CCL26: variants seen among roughly 807,000 people sequenced by gnomAD.
The protein encoded by CCL26 is C-C motif chemokine 26.
In CCL26, 10 loss-of-function variants were observed where a neutral mutation model predicts 10.7. That is an observed-to-expected ratio of 0.93 (90% confidence interval 0.57 to 1.58). The LOEUF is 1.58. CCL26 is among the 40% of genes most tolerant of loss of function. The pLI, the probability that CCL26 is intolerant of heterozygous loss-of-function variation, is 0.00. For missense variants in CCL26, 116 were observed against 111.0 expected, an observed-to-expected ratio of 1.05 and a Z score of -0.20; for synonymous variants, 43 against 41.4, an observed-to-expected ratio of 1.04 and a Z score of -0.15.
chr7:75,787,117 G>A (rs565523388), intron 1 of CCL26, among the ~76,000 whole-genome samples: 1 of 152,110 alleles, frequency 6.6e-6, no homozygotes, highest in Non-Finnish European at 1.5e-5. Context: ...CACTGGATGG[G>A]TAGAGGCCTT....
chr7:75,783,552 C>A lies in CCL26; in HGVS notation c.-79+6165G>T, dbSNP rs145771328. Among the ~76,000 whole-genome samples, 1,121 of 152,252 alleles carry A rather than the reference C, an allele frequency of 7.4e-3. 13 individuals are homozygous for A. Among genetic ancestry groups the A allele is most frequent in the African/African-American group, 0.025 (1,051 of 41,534 alleles). On this transcript the variant is annotated intron_variant, in intron 1 of 3. Coordinates refer to the CCL26 transcript ENST00000394905. ...CGGTGGCTCACGCTTGTAATCCCAGCACTTTGGGAGGCCGAGGTGGGCGGA... is the reference window on the plus strand; with the variant it reads ...CGGTGGCTCACGCTTGTAATCCCAGAACTTTGGGAGGCCGAGGTGGGCGGA...
At chr7:75,787,698 CT>C (rs56104507) in intron 1 of CCL26, among the ~76,000 whole-genome samples, 64,090 of 122,806 alleles carry the variant, frequency 0.52, 16,494 homozygotes, top group African/African-American at 0.63. Context: ...AGCTCAGCCT[CT>C]CAACTTAAAA....
At chr7:75,791,588 T>G (rs898818634), upstream of CCL26, among the ~76,000 whole-genome samples, 1 of 151,770 alleles carries the variant, frequency 6.6e-6, no homozygotes, top group Non-Finnish European at 1.5e-5. Context: ...CCTCTCAAAG[T>G]GCTGGGATTA....
upstream of CCL26, among the ~76,000 whole-genome samples, chr7:75,775,217 T>C (rs1802912409): frequency 6.6e-6 from 1 of 152,036 alleles, no homozygotes; most frequent in Non-Finnish European, 1.5e-5. Context: ...AGACTCCATT[T>C]CAGAAGGAAA....
At chr7:75,770,065 CTTAA>C (rs1170336335) in intron 2 of CCL26, among the ~76,000 whole-genome samples, 1 of 129,154 alleles carries the variant, frequency 7.7e-6, no homozygotes, top group Non-Finnish European at 1.7e-5. Context: ...CACCAGGACA[CTTAA>C]TTTTTTTTTT....
intron 1 of CCL26, among the ~76,000 whole-genome samples, chr7:75,788,514 T>C (rs1003843091): frequency 1.3e-5 from 2 of 151,954 alleles, no homozygotes; most frequent in East Asian, 1.9e-4. Flanking sequence ...AAAAGCTTTA[T>C]TGCTCACACA....
chr7:75,773,359 G>C (rs940860505), upstream of CCL26, among the ~76,000 whole-genome samples: 2 of 151,940 alleles, frequency 1.3e-5, no homozygotes, highest in Non-Finnish European at 2.9e-5. Context: ...AGGAGGCAGA[G>C]GTTACAGTGA....
chr7:75,780,616 C>T (rs1480880736), intron 1 of CCL26, among the ~76,000 whole-genome samples: 4 of 152,104 alleles, frequency 2.6e-5, no homozygotes, highest in African/African-American at 7.2e-5. Context: ...AGGTGCCTGA[C>T]GTCCAGGCAT....
chr7:75,770,878 T>C (rs917600129), intron 2 of CCL26, among the ~76,000 whole-genome samples: 3 of 152,164 alleles, frequency 2.0e-5, no homozygotes, highest in Non-Finnish European at 4.4e-5. Context: ...TGTTGGGATA[T>C]AATTCACACG....
At chr7:75,784,151 C>A (rs952333587) in intron 1 of CCL26, among the ~76,000 whole-genome samples, 1 of 152,174 alleles carries the variant, frequency 6.6e-6, no homozygotes, top group Non-Finnish European at 1.5e-5. Flanking sequence ...ACGCCTGAAC[C>A]GCAGCTGCCA....
chr7:75,772,309 C>T (rs1802842043), upstream of CCL26: 1 of 650,072 alleles, frequency 1.5e-6, no homozygotes, highest in African/African-American at 1.8e-5. Context: ...CACTTTTGAC[C>T]CAACAAAGGA....
chr7:75,775,072 T>C (rs1269646519), upstream of CCL26, among the ~76,000 whole-genome samples: 2 of 151,716 alleles, frequency 1.3e-5, no homozygotes, highest in African/African-American at 4.8e-5. Flanking sequence ...ATACAAAAAT[T>C]AGCTGAGCAT....
chr7:75,782,714 A>G (rs1252366205), intron 1 of CCL26, among the ~76,000 whole-genome samples: 2 of 152,254 alleles, frequency 1.3e-5, no homozygotes, highest in Non-Finnish European at 2.9e-5. Context: ...TACAAGATCT[A>G]GATAATTTTT....
chr7:75,783,164 T>C (rs1803103710), intron 1 of CCL26, among the ~76,000 whole-genome samples: 1 of 152,188 alleles, frequency 6.6e-6, no homozygotes, highest in Non-Finnish European at 1.5e-5. Flanking sequence ...AATCAGCCAG[T>C]GTTTAGGCTC....
upstream of CCL26, among the ~76,000 whole-genome samples, chr7:75,774,449 G>A (rs1445408093): frequency 3.3e-5 from 5 of 150,572 alleles, no homozygotes; most frequent in Admixed American, 2.0e-4. Flanking sequence ...ATGCCCAGCT[G>A]TTTGTTTGTT....
At chr7:75,774,199 G>C (rs1554528482), upstream of CCL26, among the ~76,000 whole-genome samples, 4 of 152,104 alleles carry the variant, frequency 2.6e-5, no homozygotes, top group Non-Finnish European at 1.5e-5. Flanking sequence ...GCATACGCTG[G>C]AGTGCTATGG....
intron 2 of CCL26, among the ~76,000 whole-genome samples, chr7:75,771,370 A>G (rs1168049712): frequency 6.6e-6 from 1 of 152,180 alleles, no homozygotes; most frequent in East Asian, 1.9e-4. Context: ...CCACATTTTC[A>G]AGGTTATTCA....
intron 1 of CCL26, among the ~76,000 whole-genome samples, chr7:75,788,573 T>C (rs1554530311): frequency 6.6e-6 from 1 of 152,022 alleles, no homozygotes; most frequent in Non-Finnish European, 1.5e-5. Flanking sequence ...AACCCATCTC[T>C]ACTAAAAGTA....
At chr7:75,780,958 C>G (rs993148550) in intron 1 of CCL26, among the ~76,000 whole-genome samples, 1 of 152,110 alleles carries the variant, frequency 6.6e-6, no homozygotes, top group African/African-American at 2.4e-5. Context: ...AAAAAGGTGG[C>G]GGGAGCTAAA....
Sources: allele counts gnomAD v4.1 joint callset (sites outside exome capture counted in the v4.1 genomes callset), GRCh38; gene constraint gnomAD v4.1.1; transcripts MANE v1.5; gene names NCBI Gene and HGNC (gene_info 2026-07-23, HGNC 2026-07-21).